CTNND2: variants seen among roughly 807,000 people sequenced by gnomAD.
CTNND2 encodes the protein catenin delta-2.
In CTNND2, 22 loss-of-function variants were observed where a neutral mutation model predicts 144.4. The observed-to-expected ratio is 0.15, with a 90% confidence interval of 0.11 to 0.22. The LOEUF (loss-of-function observed/expected upper bound fraction) is 0.22. CTNND2 is among the 10% of genes least tolerant of loss of function. The pLI is 1.00. For synonymous variants in CTNND2, 751 were observed against 695.6 expected (o/e 1.08, Z -1.25); for missense variants, 1,353 against 1,618.8 (o/e 0.84, Z 2.82).
chr5:11,252,099 T>G (rs1269652614), intron 9 of CTNND2, among the ~76,000 whole-genome samples: 1 of 152,198 alleles, frequency 6.6e-6, no homozygotes, highest in East Asian at 1.9e-4. Context: ...AATGCTTTAT[T>G]ATATTCAGCT....
chr5:11,462,569 A>G (rs370667638), intron 3 of CTNND2, among the ~76,000 whole-genome samples: 1 of 152,196 alleles, frequency 6.6e-6, no homozygotes, highest in Non-Finnish European at 1.5e-5. Context: ...CCCCAGAGTA[A>G]CAGAAGAATA....
chr5:11,689,016 A>G (rs1309345967), intron 2 of CTNND2, among the ~76,000 whole-genome samples: 1 of 152,226 alleles, frequency 6.6e-6, no homozygotes, highest in Non-Finnish European at 1.5e-5. Flanking sequence ...AACAGTATCG[A>G]TATCAAAGTT....
chr5:11,092,468 AT>A (rs1379057767), intron 15 of CTNND2, among the ~76,000 whole-genome samples: 1 of 152,220 alleles, frequency 6.6e-6, no homozygotes, highest in Non-Finnish European at 1.5e-5. Flanking sequence ...GGTCTTTGCT[AT>A]CCGTGCTGCT....
intron 2 of CTNND2, among the ~76,000 whole-genome samples, chr5:11,647,172 T>C (rs956217943): frequency 1.6e-4 from 25 of 152,246 alleles, no homozygotes; most frequent in African/African-American, 5.8e-4. Context: ...CTGGACTCCA[T>C]GGTGTATTTA....
intron 2 of CTNND2, among the ~76,000 whole-genome samples, chr5:11,642,050 C>T (rs1782094580): frequency 6.6e-6 from 1 of 151,998 alleles, no homozygotes; most frequent in Non-Finnish European, 1.5e-5. Context: ...ATTGCATGAG[C>T]TTGGCAGGTA....
intron 2 of CTNND2, among the ~76,000 whole-genome samples, chr5:11,681,445 C>G (rs570628726): frequency 1.3e-5 from 2 of 152,196 alleles, no homozygotes; most frequent in African/African-American, 2.4e-5. Flanking sequence ...GGTTCCCTTT[C>G]TCTTTCTTGG....
intron 9 of CTNND2, among the ~76,000 whole-genome samples, chr5:11,327,390 A>T (rs1428763294): frequency 6.6e-6 from 1 of 152,228 alleles, no homozygotes; most frequent in East Asian, 1.9e-4. Flanking sequence ...TATGAAAGGC[A>T]AGTTGAAACT....
chr5:11,121,714 C>T (rs550351352), intron 12 of CTNND2, among the ~76,000 whole-genome samples: 1 of 152,286 alleles, frequency 6.6e-6, no homozygotes, highest in African/African-American at 2.4e-5. Flanking sequence ...TCAGTGCTCT[C>T]CTAGGACCCA....
intron 6 of CTNND2, among the ~76,000 whole-genome samples, chr5:11,387,779 C>T (rs2149803951): frequency 6.6e-6 from 1 of 152,222 alleles, no homozygotes; most frequent in African/African-American, 2.4e-5. Flanking sequence ...ATGCCATTAC[C>T]AAATAGCATA....
intron 2 of CTNND2, among the ~76,000 whole-genome samples, chr5:11,650,585 A>C (rs1782598062): frequency 6.6e-6 from 1 of 152,334 alleles, no homozygotes. Context: ...GATTTGTTAT[A>C]TTGTTGTGAC....
At chr5:11,310,672 T>G (rs1410487390) in intron 9 of CTNND2, among the ~76,000 whole-genome samples, 1 of 151,650 alleles carries the variant, frequency 6.6e-6, no homozygotes, top group Non-Finnish European at 1.5e-5. Flanking sequence ...TCTCTGCCTT[T>G]CCCCAGCGGC....
At chr5:11,567,617 T>C (rs1253649445) in intron 2 of CTNND2, among the ~76,000 whole-genome samples, 2 of 152,208 alleles carry the variant, frequency 1.3e-5, no homozygotes, top group Non-Finnish European at 2.9e-5. Context: ...ATGCTTAACC[T>C]ACCATTTATC....
intron 14 of CTNND2, among the ~76,000 whole-genome samples, chr5:11,101,887 A>ATGTGTGTGTGTGTGTGTGTGTGTGTG (rs201704440): frequency 8.3e-5 from 12 of 145,286 alleles, no homozygotes; most frequent in Admixed American, 2.1e-4. Context: ...ACGACCACAT[A>ATGTGTGTGTGTGTGTGTGTGTGTGTG]TGTGTGTGTG....
At chr5:11,727,800 G>A (rs942641519) in intron 2 of CTNND2, among the ~76,000 whole-genome samples, 7 of 152,144 alleles carry the variant, frequency 4.6e-5, no homozygotes, top group Non-Finnish European at 7.4e-5. Context: ...AATACCATCC[G>A]AAATTTGATT....
At chr5:11,868,030 G>A (rs1039357473) in intron 1 of CTNND2, among the ~76,000 whole-genome samples, 1 of 151,798 alleles carries the variant, frequency 6.6e-6, no homozygotes, top group African/African-American at 2.4e-5. Context: ...CGAAGCAGGG[G>A]CAGGATAGAC....
chr5:11,535,735 C>T (rs80336186), intron 3 of CTNND2, among the ~76,000 whole-genome samples: 55 of 152,192 alleles, frequency 3.6e-4, no homozygotes, highest in African/African-American at 1.3e-3. Context: ...TTCGTAAATA[C>T]ATAAAAGGGT....
chr5:11,305,616 A>G (rs1265860829), intron 9 of CTNND2, among the ~76,000 whole-genome samples: 1 of 152,220 alleles, frequency 6.6e-6, no homozygotes, highest in East Asian at 1.9e-4. Flanking sequence ...GCTATGAGCC[A>G]GGTGCAGACT....
At chr5:11,864,972 G>GCAA (rs1219099098) in intron 1 of CTNND2, among the ~76,000 whole-genome samples, 1 of 125,358 alleles carries the variant, frequency 8.0e-6, no homozygotes, top group East Asian at 2.6e-4. Flanking sequence ...TCAGCTCACT[G>GCAA]CAACCTCTGC....
intron 5 of CTNND2, among the ~76,000 whole-genome samples, chr5:11,403,523 C>A (rs542652199): frequency 5.6e-4 from 85 of 152,292 alleles, no homozygotes; most frequent in African/African-American, 1.1e-3. Context: ...AGAATTTTAT[C>A]ATGAGTGAGA....
Sources: allele counts gnomAD v4.1 joint callset (sites outside exome capture counted in the v4.1 genomes callset), GRCh38; gene constraint gnomAD v4.1.1; transcripts MANE v1.5; gene names NCBI Gene and HGNC (gene_info 2026-07-23, HGNC 2026-07-21).